Variants in VGLL4 observed in about 807,000 individuals in gnomAD.
VGLL4 encodes vestigial like family member 4.
In VGLL4, 7 loss-of-function variants were observed where a neutral mutation model predicts 21.0. The observed-to-expected ratio is 0.33, with a 90% CI of 0.19 to 0.63. The LOEUF (loss-of-function observed/expected upper bound fraction) is 0.63. Ranked by LOEUF, VGLL4 falls within the 20% of genes least tolerant of loss-of-function variation. VGLL4 has a pLI of 0.78. For missense variants in VGLL4, 394 were observed against 425.7 expected, an observed-to-expected ratio of 0.93 and a Z score of 0.66; for synonymous variants, 222 against 173.2, an observed-to-expected ratio of 1.28 and a Z score of -2.21.
chr3:11,681,970 G>A (rs779129837), intron 2 of VGLL4, among the ~76,000 whole-genome samples: 2 of 152,190 alleles, frequency 1.3e-5, no homozygotes, highest in Non-Finnish European at 2.9e-5. Flanking sequence ...AAAATGATAC[G>A]GGATTTAGGC....
intron 2 of VGLL4, among the ~76,000 whole-genome samples, chr3:11,590,395 A>C (rs1371883568): frequency 6.6e-6 from 1 of 152,164 alleles, no homozygotes; most frequent in Admixed American, 6.5e-5. Flanking sequence ...GTTTCTATGT[A>C]GATTCATTAG....
chr3:11,573,908 T>C lies in VGLL4; in HGVS notation c.273-8889A>G, dbSNP rs529987159. Among the ~76,000 whole-genome samples the C allele has an allele frequency of 7.9e-5, 12 of 152,306 alleles. No individual in the cohort carries two copies. In the East Asian group the frequency reaches 2.3e-3, roughly 29 times the overall value. ...AGGGCGTGCTCTAATCCAATGTGAC[T>C]GGTGTCCTATTAGAAAACACTGGAA... is the stretch of plus-strand genomic sequence containing the variant. On this transcript the variant is annotated intron_variant, in intron 2 of 4. Coordinates refer to ENST00000430365, the MANE Select transcript of VGLL4 (RefSeq NM_001128219.3).
chr3:11,614,510 C>T (rs1030005310), intron 1 of VGLL4, among the ~76,000 whole-genome samples: 2 of 152,208 alleles, frequency 1.3e-5, no homozygotes, highest in East Asian at 1.9e-4. Flanking sequence ...CGATTCTGAT[C>T]GTGAAATCTC....
At chr3:11,585,126 C>A (rs780932310) in intron 2 of VGLL4, among the ~76,000 whole-genome samples, 3 of 152,094 alleles carry the variant, frequency 2.0e-5, no homozygotes, top group Non-Finnish European at 1.5e-5. Flanking sequence ...TAAATGCTAC[C>A]AGTTTTCACA....
rs1389333761 is a variant in VGLL4 at position 11,568,596 on chromosome 3, A to G, written c.273-3577T>C. On this transcript the variant is annotated intron_variant, in intron 2 of 4. Transcript: ENST00000430365. The surrounding 1 kb of genome is among the most constrained non-coding windows in gnomAD (Gnocchi z 5.9). ...CTGGTTAATTTTAGTAAAATTATAC[A>G]TTACTCACATTTCCAGCTCATTTTC... is the stretch of plus-strand genomic sequence containing the variant. 7 of 1,564,446 alleles carry G rather than the reference A, an allele frequency of 4.5e-6. No individual in the cohort carries two copies. Among genetic ancestry groups the G allele is most frequent in the South Asian group, 1.2e-5 (1 of 85,080 alleles).
At position 11,558,619 on chromosome 3, in the gene VGLL4, G is replaced by T; in HGVS notation, c.828C>A (p.Gly276=). ...SSSPESASRR[G]QPASPSAHMV... ...TGTGGGCAGAGGGGCTGGCGGGCTG[G>T]CCCCTGCGAGAGGCGGACTCAGGGC... The change falls in exon 5 of 5, where the codon GGC becomes GGA. Residue 276 remains glycine, a synonymous_variant. Coordinates refer to ENST00000430365, the MANE Select transcript of VGLL4 (RefSeq NM_001128219.3). 1 of 1,607,998 alleles carries T rather than the reference G, an allele frequency of 6.2e-7. No homozygotes were observed.
intron 2 of VGLL4, among the ~76,000 whole-genome samples, chr3:11,694,673 T>C (rs1038121541): frequency 2.0e-5 from 3 of 152,000 alleles, no homozygotes; most frequent in Non-Finnish European, 4.4e-5. Context: ...ACTGAGGCAT[T>C]TGCACTAAGA....
chr3:11,561,405 C>A (rs1352362754), intron 3 of VGLL4, among the ~76,000 whole-genome samples: 2 of 152,174 alleles, frequency 1.3e-5, no homozygotes, highest in African/African-American at 4.8e-5. Context: ...ATCTCCTGAC[C>A]TGAGCTGGGG....
At chr3:11,639,559 A>G (rs915596754) in intron 1 of VGLL4, among the ~76,000 whole-genome samples, 14 of 152,196 alleles carry the variant, frequency 9.2e-5, no homozygotes, top group Admixed American at 7.9e-4. Context: ...CCCTAACATC[A>G]CGGAGCTAAT....
At chr3:11,617,108 C>A (rs1035866692) in intron 1 of VGLL4, among the ~76,000 whole-genome samples, 5 of 151,730 alleles carry the variant, frequency 3.3e-5, no homozygotes, top group African/African-American at 4.8e-5. Flanking sequence ...GAGAGCGATG[C>A]CACACACATT....
intron 2 of VGLL4, among the ~76,000 whole-genome samples, chr3:11,597,619 G>A (rs933679680): frequency 3.3e-5 from 5 of 152,086 alleles, no homozygotes; most frequent in African/African-American, 4.8e-5. Context: ...ATGTGGGACC[G>A]TCCTTCATCA....
At chr3:11,617,711 T>G (rs972797433) in intron 1 of VGLL4, among the ~76,000 whole-genome samples, 10 of 152,218 alleles carry the variant, frequency 6.6e-5, no homozygotes, top group Non-Finnish European at 1.3e-4. Flanking sequence ...TTCGTATAAA[T>G]TGAGAAACTA....
rs7628153 is a variant in VGLL4 at position 11,698,171 on chromosome 3, C to G, written c.64+4800G>C. On this transcript the variant is annotated intron_variant, in intron 2 of 5. Coordinates refer to the VGLL4 transcript ENST00000273038. ...TGTTTTATACATTAGCACCAAGCAC[C>G]TTGCCCTCCCATTTTCATCAATTTA... Among the ~76,000 whole-genome samples, 693 of 152,224 alleles carry G rather than the reference C, an allele frequency of 4.6e-3. 6 individuals carry two copies. The highest frequency in any genetic ancestry group is 0.017 in the Middle Eastern group (5 of 294).
At chr3:11,697,284 T>G (rs2076619098) in intron 2 of VGLL4, among the ~76,000 whole-genome samples, 1 of 151,362 alleles carries the variant, frequency 6.6e-6, no homozygotes, top group Non-Finnish European at 1.5e-5. Flanking sequence ...TTTTTTTTTT[T>G]TTTTGGAGGA....
chr3:11,641,421 T>C (rs1207482072), intron 1 of VGLL4, among the ~76,000 whole-genome samples: 1 of 152,168 alleles, frequency 6.6e-6, no homozygotes, highest in Non-Finnish European at 1.5e-5. Context: ...AGTCCAAGTG[T>C]TGGATTTTAA....
intron 2 of VGLL4, among the ~76,000 whole-genome samples, chr3:11,665,376 G>A (rs1265642849): frequency 1.3e-5 from 2 of 152,142 alleles, no homozygotes; most frequent in East Asian, 3.8e-4. Flanking sequence ...GCCTCCCAAA[G>A]TGCTGGGATT....
At chr3:11,705,883 T>C (rs1268433130) in intron 1 of VGLL4, among the ~76,000 whole-genome samples, 1 of 148,408 alleles carries the variant, frequency 6.7e-6, no homozygotes, top group African/African-American at 2.5e-5. Flanking sequence ...ATCGCGCCAC[T>C]GCACTCCAGC....
chr3:11,692,686 T>C (rs2076545307), intron 2 of VGLL4, among the ~76,000 whole-genome samples: 1 of 138,104 alleles, frequency 7.2e-6, no homozygotes, highest in Admixed American at 7.6e-5. Flanking sequence ...CACAATTCAG[T>C]GCGCCAGCAC....
chr3:11,684,992 T>A (rs1269782846), intron 2 of VGLL4, among the ~76,000 whole-genome samples: 6 of 152,090 alleles, frequency 3.9e-5, no homozygotes, highest in African/African-American at 1.4e-4. Flanking sequence ...CTGCCTTCCA[T>A]CCTCAAGTAG....
Sources: allele counts gnomAD v4.1 joint callset (sites outside exome capture counted in the v4.1 genomes callset), GRCh38; gene constraint gnomAD v4.1.1; non-coding constraint Gnocchi (gnomAD v3.1); transcripts MANE v1.5; gene names NCBI Gene and HGNC (gene_info 2026-07-23, HGNC 2026-07-21).